KMT2D: variants seen among roughly 807,000 people sequenced by gnomAD.
The protein encoded by KMT2D is lysine methyltransferase 2D, also known as histone-lysine N-methyltransferase 2D.
A neutral mutation model predicts 512.7 loss-of-function variants in KMT2D; 55 were observed. The observed-to-expected ratio is 0.11, with a 90% CI of 0.09 to 0.13. KMT2D has a LOEUF of 0.13. KMT2D is among the 10% of genes least tolerant of loss of function. The pLI is 1.00. For missense variants in KMT2D, 6,061 were observed against 7,127.9 expected (o/e 0.85, Z 5.39); for synonymous variants, 2,995 against 2,904.0 (o/e 1.03, Z -1.01).
chr12:49,035,011 C>A (rs2120463390), intron 35 of KMT2D, 76 bp from the exon 36 acceptor site: 1 of 1,574,718 alleles, frequency 6.4e-7, no homozygotes, highest in Non-Finnish European at 8.7e-7. Flanking sequence ...CCTTCAACAT[C>A]CTGACTTCAA....
At position 49,019,159 on chromosome 12, in the gene KMT2D, A is replaced by G; in HGVS notation, c.*2621T>C. ...GAGAGAGGGCGCTTTAAAAAAGGGA[A>G]CCATTTCATCCGTTGTTACGAAGGA... On this transcript the variant is annotated 3_prime_UTR_variant, in exon 55 of 55. Coordinates refer to ENST00000301067, the MANE Select transcript of KMT2D (RefSeq NM_003482.4). The G allele has an allele frequency of 8.9e-7, 1 of 1,124,570 alleles. No homozygotes were observed. The highest frequency in any genetic ancestry group is 1.1e-6 in the Non-Finnish European group (1 of 913,758). The allele number at this position is 1,124,570 out of a possible 1,614,324, so 69.7% of individuals were successfully genotyped here.
At chr12:49,049,320 G>A in intron 12 of KMT2D, 102 bp from the exon 13 acceptor site, 2 of 752,554 alleles carry the variant, frequency 2.7e-6, no homozygotes. Flanking sequence ...AGTAAGACAG[G>A]TAATAAGCCC....
rs2120461002 is a variant in KMT2D, at chr12:49,034,843, C to T, written c.10324G>A (p.Gly3442Ser). Residue 3442 changes from glycine (G) to serine (S), a missense_variant, in exon 36 of 55, where the codon GGC becomes AGC. Around this residue, in one of 16 missense-constraint regions of KMT2D, gnomAD observed 533 missense variants for 539.6 expected, o/e 0.99. Coordinates refer to ENST00000301067, the MANE Select transcript of KMT2D (RefSeq NM_003482.4). ...ATACCAGGTGCCACCCCAATGCTGC[C>T]CTGAGCCATCACTTTCTTGATGCCT... The part of the protein sequence containing the change: ...LKGIKKVMAQ[G>S]SIGVAPGMNR... 1 of 1,613,980 alleles carries T rather than the reference C, an allele frequency of 6.2e-7. No homozygotes were observed. Among genetic ancestry groups the T allele is most frequent in the South Asian group, 1.1e-5 (1 of 91,078 alleles).
At chr12:49,036,106 C>T (rs983179934) in intron 35 of KMT2D, 2 of 152,170 alleles carry the variant, frequency 1.3e-5, no homozygotes, top group Non-Finnish European at 2.9e-5. Flanking sequence ...CAGTAAACTC[C>T]TTGGCAAATA....
Position 49,024,959 on chromosome 12 carries a change from G to A in KMT2D, c.15785-13C>T, listed in dbSNP as rs1296409905. On this transcript the variant is annotated splice_polypyrimidine_tract_variant and intron_variant, in intron 49 of 54. Transcript: ENST00000301067. The surrounding 1 kb of genome is among the most constrained non-coding windows in gnomAD (Gnocchi z 4.5). The stretch of plus-strand genomic sequence containing the variant: ...CGATTCCACACGGCTAAGAAGCAGG[G>A]AAGAGAGCAGTCCTCAGAGGCAACT... 8 of 1,582,786 alleles carry A rather than the reference G, an allele frequency of 5.1e-6. No homozygotes were observed. In the African/African-American group the frequency reaches 1.1e-4, roughly 21 times the overall value.
intron 1 of KMT2D, among the ~76,000 whole-genome samples, chr12:49,056,405 A>G (rs1938412715): frequency 1.3e-5 from 2 of 152,046 alleles, no homozygotes; most frequent in South Asian, 2.1e-4. Flanking sequence ...TGAGACTTAC[A>G]CCTTTGGGCA....
rs2120426084 is a variant in KMT2D, at chr12:49,031,885, G to A, written c.12820C>T (p.Leu4274Phe). 2.0e-6 allele frequency: 3 copies of A among 1,533,370 alleles called. No homozygotes were observed. The highest frequency in any genetic ancestry group is 1.3e-5 in the South Asian group (1 of 77,162). The allele number at this position is 1,533,370 out of a possible 1,614,324, so 95.0% of individuals were successfully genotyped here. The change falls in exon 40 of 55, where the codon CTC (leucine) becomes TTC (phenylalanine). Residue 4274 changes from leucine to phenylalanine, a missense_variant. Leu to Phe is a conservative substitution (Grantham distance 22). This residue lies in a region of KMT2D where 1,600 missense variants were observed against 1,754.9 expected (regional missense o/e 0.91). Coordinates refer to ENST00000301067, the MANE Select transcript of KMT2D (RefSeq NM_003482.4). ...GGFPGPQTGP[L>F]QELGAGPRPQ... is the part of the protein sequence containing the mutation. ...CGAGGCCCTGCCCCTAGCTCCTGGA[G>A]GGGGCCTGTCTGTGGTCCAGGGAAG...
rs750872313 is a variant in KMT2D, at chr12:49,032,568, C to T, written c.12137G>A (p.Gly4046Glu). The T allele has an allele frequency of 5.1e-5, 82 of 1,613,398 alleles. 1 individual carries two copies. Among genetic ancestry groups the T allele is most frequent in the Middle Eastern group, 4.9e-4 (3 of 6,084 alleles). ...EATEGPSTHQGGPLAIGTTPE... is the reference protein window; with the variant it reads ...EATEGPSTHQEGPLAIGTTPE... ...GGTAGTTCCTATTGCTAACGGCCCTCCCTGATGTGTAGAGGGCCCCTCAGT... is the reference window on the plus strand; with the variant it reads ...GGTAGTTCCTATTGCTAACGGCCCTTCCTGATGTGTAGAGGGCCCCTCAGT... Residue 4046 changes from glycine (G) to glutamate (E), a missense_variant, in exon 40 of 55, where the codon GGA (glycine) becomes GAA (glutamate). Gly to Glu is a moderately conservative substitution (Grantham distance 98). This residue lies in a region of KMT2D where 1,600 missense variants were observed against 1,754.9 expected (regional missense o/e 0.91). Coordinates refer to ENST00000301067, the MANE Select transcript of KMT2D (RefSeq NM_003482.4).
chr12:49,053,163 C>G (rs759117840), intron 8 of KMT2D, 44 bp downstream of exon 8: 3 of 1,610,364 alleles, frequency 1.9e-6, no homozygotes, highest in Non-Finnish European at 2.5e-6. Context: ...AATGCTGTAG[C>G]AGACACAGTT....
At position 49,044,840 on chromosome 12, in the gene KMT2D, C is replaced by T. The variant is rs754087735; in HGVS notation, c.4867G>A (p.Glu1623Lys). The change falls in exon 20 of 55, where the codon GAG becomes AAG. Residue 1623 changes from glutamate (E) to lysine (K), a missense_variant. Glu to Lys is a moderately conservative substitution (Grantham distance 56). Transcript: ENST00000301067. The surrounding 1 kb of genome is among the most constrained non-coding windows in gnomAD (Gnocchi z 6.4). ...QRRGRLGLPG[E>K]AGLEGSEPSD... is the part of the protein sequence containing the mutation. ...GGCTCAGAACCCTCCAATCCTGCCT[C>T]GCCTGGGAGGCCAAGCCGTCCTCGC... 3 of 1,614,070 alleles carry T rather than the reference C, an allele frequency of 1.9e-6. No individual in the cohort carries two copies. Among genetic ancestry groups the T allele is most frequent in the Non-Finnish European group, 2.5e-6 (3 of 1,179,902 alleles).
Position 49,033,582 on chromosome 12 carries a change from C to A in KMT2D, c.11123G>T (p.Ser3708Ile), listed in dbSNP as rs761428653. ...GFFPGNLALR[S>I]LGPDSRLLQE... is the part of the protein sequence containing the mutation. ...TAAAAGCCTTGAATCAGGTCCGAGG[C>A]TTCGAAGAGCAAGGTTGCCAGGGAA... Residue 3708 changes from serine to isoleucine, a missense_variant, in exon 40 of 55, where the codon AGC (serine) becomes ATC (isoleucine). Around this residue, in one of 16 missense-constraint regions of KMT2D, gnomAD observed 1,600 missense variants for 1,754.9 expected, o/e 0.91. Transcript: ENST00000301067. The A allele has an allele frequency of 6.2e-7, 1 of 1,613,488 alleles. No homozygotes were observed. Among genetic ancestry groups the A allele is most frequent in the African/African-American group, 1.3e-5 (1 of 74,996 alleles).
Position 49,050,306 on chromosome 12 carries a change from G to A in KMT2D, c.3282C>T (p.Leu1094=), listed in dbSNP as rs1045405216. 1.2e-6 allele frequency: 2 copies of A among 1,611,314 alleles called. No homozygotes were observed. The highest frequency in any genetic ancestry group is 1.7e-6 in the Non-Finnish European group (2 of 1,178,734). The change falls in exon 12 of 55, where the codon CTC becomes CTT. Residue 1094 remains leucine, a synonymous_variant. Transcript: ENST00000301067. The stretch of plus-strand genomic sequence containing the variant: ...AGGAAAGGTCCCCCATTGGGGAAGG[G>A]AGAGGACTGGTGGCACTGGGTTCCA... ...PALEPSATSP[L]PSPMGDLSCP... is the part of the protein sequence containing the mutation.
chr12:49,049,503 T>C (rs1458281484), intron 12 of KMT2D, among the ~76,000 whole-genome samples, 179 bp downstream of exon 12: 2 of 152,242 alleles, frequency 1.3e-5, no homozygotes, highest in Non-Finnish European at 2.9e-5. Context: ...TGAGTAACCA[T>C]GAATCTGGGC....
chr12:49,053,549 G>A lies in KMT2D; in HGVS notation c.766C>T (p.Leu256=), dbSNP rs1373765624. 6.2e-7 allele frequency: 1 copy of A among 1,601,316 alleles called. No homozygotes were observed. Among genetic ancestry groups the A allele is most frequent in the South Asian group, 1.1e-5 (1 of 88,862 alleles). ...SCGHHYHGAC[L]DTALTARKRA... Reference sequence around the variant, plus strand: ...TTGCGGGCAGTCAGAGCAGTGTCCAGGCAGGCCCCGTGATAGTGATGCCCA... The same window carrying A: ...TTGCGGGCAGTCAGAGCAGTGTCCAAGCAGGCCCCGTGATAGTGATGCCCA... Residue 256 remains leucine, a synonymous_variant, in exon 7 of 55, where the codon CTG becomes TTG. Coordinates refer to ENST00000301067, the MANE Select transcript of KMT2D (RefSeq NM_003482.4).
Position 49,052,312 on chromosome 12 carries a change from G to A in KMT2D, c.1371C>T (p.Pro457=), listed in dbSNP as rs200552003. Residue 457 remains proline, a synonymous_variant, in exon 11 of 55, where the codon CCC becomes CCT. Coordinates refer to ENST00000301067, the MANE Select transcript of KMT2D (RefSeq NM_003482.4). ...SPLSPPPEES[P]TSPPPEASRL... is the part of the protein sequence containing the mutation. ...GTGATGCCTCAGGTGGTGGGGACGT[G>A]GGTGATTCCTCAGGTGGTGGGGACA... 2 of 1,582,466 alleles carry A rather than the reference G, an allele frequency of 1.3e-6. No individual in the cohort carries two copies. The highest frequency in any genetic ancestry group is 1.7e-6 in the Non-Finnish European group (2 of 1,162,598).
At chr12:49,027,387 C>T in intron 48 of KMT2D, 65 bp from the exon 49 acceptor site, 3 of 1,330,224 alleles carry the variant, frequency 2.3e-6, no homozygotes, top group Non-Finnish European at 3.1e-6. Flanking sequence ...TCCTTCCCCT[C>T]ACCCATATGC....
chr12:49,024,067 G>A lies in KMT2D; in HGVS notation c.16052+511C>T. The A allele has an allele frequency of 2.2e-6, 1 of 456,002 alleles. No individual in the cohort carries two copies. Among genetic ancestry groups the A allele is most frequent in the Non-Finnish European group, 4.4e-6 (1 of 226,976 alleles). The allele number at this position is 456,002 out of a possible 1,614,324, so 28.2% of individuals were successfully genotyped here. On this transcript the variant is annotated intron_variant, in intron 51 of 54. Coordinates refer to ENST00000301067, the MANE Select transcript of KMT2D (RefSeq NM_003482.4). The surrounding 1 kb of genome is among the most constrained non-coding windows in gnomAD (Gnocchi z 4.5). ...GCCCTACCTACCTCATAAGGTTGTTGTGAGGATCAAATGAGATAATGGATG... is the reference window on the plus strand; with the variant it reads ...GCCCTACCTACCTCATAAGGTTGTTATGAGGATCAAATGAGATAATGGATG...
At chr12:49,030,080 T>G in intron 43 of KMT2D, among the ~76,000 whole-genome samples, 200 bp downstream of exon 43, 1 of 152,150 alleles carries the variant, frequency 6.6e-6, no homozygotes, top group East Asian at 1.9e-4. Context: ...CCTCTCCTAT[T>G]GCATTTGCTC....
chr12:49,054,844 T>C lies in KMT2D; in HGVS notation c.176+56A>G, dbSNP rs1938311701. On this transcript the variant is annotated intron_variant, in intron 3 of 54. Transcript: ENST00000301067. This position sits in a 1 kb window ranked among gnomAD's most constrained non-coding sequence, Gnocchi z 6.4. The stretch of plus-strand genomic sequence containing the variant: ...TTCCCCAACACTCATTTTCCTAAAT[T>C]CTCTTCCTTGAAAGCCCTAGACTCT... The C allele has an allele frequency of 3.1e-6, 5 of 1,604,214 alleles. No individual in the cohort carries two copies. The highest frequency in any genetic ancestry group is 1.7e-4 in the Middle Eastern group (1 of 6,048).
Sources: gnomAD v4.1 joint callset for allele counts (sites outside exome capture counted in the v4.1 genomes callset) on GRCh38, gnomAD v4.1.1 for gene constraint, gnomAD v4.1.1 regional missense constraint, Gnocchi (gnomAD v3.1) non-coding constraint, MANE v1.5 for transcripts, NCBI Gene and HGNC (gene_info 2026-07-23, HGNC 2026-07-21) for gene names.